Variants in PAG1 observed in about 807,000 individuals in gnomAD.
PAG1 encodes phosphoprotein associated with glycosphingolipid-enriched microdomains 1.
Under a neutral mutation model 31.7 loss-of-function variants are expected in PAG1, and 23 were observed. The ratio of observed to expected loss-of-function variants is 0.73; its 90% confidence interval spans 0.52 to 1.03. The LOEUF is 1.03. Ranked by LOEUF, PAG1 falls within the 50% of genes least tolerant of loss-of-function variation. The pLI is 0.00. For missense variants in PAG1, 473 were observed against 540.7 expected, an observed-to-expected ratio of 0.87 and a Z score of 1.24; for synonymous variants, 214 against 210.3, an observed-to-expected ratio of 1.02 and a Z score of -0.15.
intron 5 of PAG1, 139 bp from the exon 6 acceptor site, chr8:80,987,605 C>T: frequency 1.6e-6 from 1 of 612,514 alleles, no homozygotes; most frequent in South Asian, 1.8e-5. Context: ...TAATAGTCCC[C>T]CCTTATCTAC....
At chr8:81,043,152 T>G (rs1429106114) in intron 2 of PAG1, among the ~76,000 whole-genome samples, 1 of 152,102 alleles carries the variant, frequency 6.6e-6, no homozygotes, top group African/African-American at 2.4e-5. Flanking sequence ...TACTTTCCCC[T>G]CTTTACCACC....
At chr8:80,980,324 TAGG>T in intron 8 of PAG1, 108 bp downstream of exon 8, 1 of 668,036 alleles carries the variant, frequency 1.5e-6, no homozygotes, top group South Asian at 1.8e-5. Flanking sequence ...AACATAGGCA[TAGG>T]AGAATATTTC....
chr8:81,008,337 G>A (rs1807922139), intron 3 of PAG1, among the ~76,000 whole-genome samples: 2 of 152,074 alleles, frequency 1.3e-5, no homozygotes, highest in Admixed American at 6.6e-5. Flanking sequence ...TGGCTCACTA[G>A]TAGTCACTGG....
intron 2 of PAG1, among the ~76,000 whole-genome samples, chr8:81,033,656 ACTT>A (rs1808416447): frequency 6.6e-6 from 1 of 152,210 alleles, no homozygotes; most frequent in Non-Finnish European, 1.5e-5. Context: ...ACGGTTGGTG[ACTT>A]CTTAATACTA....
At chr8:81,013,785 G>A (rs1808025147) in intron 3 of PAG1, among the ~76,000 whole-genome samples, 1 of 152,036 alleles carries the variant, frequency 6.6e-6, no homozygotes, top group African/African-American at 2.4e-5. Flanking sequence ...TCACCATGTT[G>A]GCCAGGCTGG....
At chr8:81,040,864 G>A (rs1404920196) in intron 2 of PAG1, 2 of 152,044 alleles carry the variant, frequency 1.3e-5, no homozygotes, top group Non-Finnish European at 1.5e-5. Flanking sequence ...GATCAAATAA[G>A]GGTAGAAGAG....
At position 80,991,470 on chromosome 8, in the gene PAG1, C is replaced by T; in HGVS notation, c.177+9G>A. ...CGGACAGACAGGCAGACGACACGCGCAGGCTCACCACGTTCATCAGGTTCT... is the reference window on the plus strand; with the variant it reads ...CGGACAGACAGGCAGACGACACGCGTAGGCTCACCACGTTCATCAGGTTCT... On this transcript the variant is annotated intron_variant, in intron 5 of 8. Coordinates refer to ENST00000220597, the MANE Select transcript of PAG1 (RefSeq NM_018440.4). 1.9e-6 allele frequency: 3 copies of T among 1,609,866 alleles called. No homozygotes were observed. Among genetic ancestry groups the T allele is most frequent in the Non-Finnish European group, 2.6e-6 (3 of 1,176,122 alleles).
intron 2 of PAG1, among the ~76,000 whole-genome samples, chr8:81,033,565 C>T: frequency 6.6e-6 from 1 of 152,200 alleles, no homozygotes. Context: ...TGACCTCTCC[C>T]TGAAACCCAC....
At chr8:81,075,092 T>C (rs1313375792) in intron 1 of PAG1, among the ~76,000 whole-genome samples, 1 of 152,216 alleles carries the variant, frequency 6.6e-6, no homozygotes, top group Admixed American at 6.5e-5. Flanking sequence ...CCACTCTCGT[T>C]TGCCAGAGAG....
At chr8:81,067,296 A>C (rs944247481) in intron 2 of PAG1, among the ~76,000 whole-genome samples, 3 of 152,232 alleles carry the variant, frequency 2.0e-5, no homozygotes, top group Non-Finnish European at 4.4e-5. Flanking sequence ...GAGAGTATTA[A>C]ATTTTCCAAC....
chr8:81,096,019 A>AT (rs1456538317), intron 1 of PAG1, among the ~76,000 whole-genome samples: 12 of 152,288 alleles, frequency 7.9e-5, no homozygotes, highest in South Asian at 2.1e-4. Flanking sequence ...TTTTGTCTTA[A>AT]TTTTTTTGTA....
intron 3 of PAG1, among the ~76,000 whole-genome samples, chr8:81,014,860 C>A (rs147063020): frequency 1.6e-3 from 248 of 152,188 alleles, no homozygotes; most frequent in Non-Finnish European, 3.0e-3. Flanking sequence ...TGCAATCGGG[C>A]GGATAGAGGG....
At chr8:80,981,194 C>T (rs551658624) in intron 7 of PAG1, among the ~76,000 whole-genome samples, 1 of 152,178 alleles carries the variant, frequency 6.6e-6, no homozygotes, top group South Asian at 2.1e-4. Flanking sequence ...AGCCTCTCCA[C>T]CAGCCCAAGT....
At chr8:81,028,589 A>G (rs2130778997) in intron 3 of PAG1, among the ~76,000 whole-genome samples, 1 of 152,364 alleles carries the variant, frequency 6.6e-6, no homozygotes, top group Non-Finnish European at 1.5e-5. Context: ...GGCATAATGC[A>G]ATGTGAAGAA....
intron 3 of PAG1, among the ~76,000 whole-genome samples, chr8:81,007,795 C>T (rs1017735860): frequency 3.9e-5 from 6 of 152,114 alleles, no homozygotes; most frequent in East Asian, 3.8e-4. Context: ...CTGTGAGTGG[C>T]ACCTCCTAGA....
chr8:81,000,606 AT>A (rs879371371), intron 3 of PAG1, among the ~76,000 whole-genome samples: 160 of 152,036 alleles, frequency 1.1e-3, no homozygotes, highest in Non-Finnish European at 1.9e-3. Flanking sequence ...ACGCCTGGTA[AT>A]TTTTTTGTAA....
At chr8:81,020,580 T>C (rs1024765431) in intron 3 of PAG1, among the ~76,000 whole-genome samples, 3 of 152,170 alleles carry the variant, frequency 2.0e-5, no homozygotes, top group African/African-American at 4.8e-5. Flanking sequence ...CCTTCTACCA[T>C]GATTATGAGG....
rs1807192507 is a variant in PAG1, at chr8:80,976,775, A to G, written c.1068T>C (p.Asn356=). The part of the protein sequence containing the change: ...GDPQRSPSSC[N]DLYATVKDFE... ...AGTCTTTAACAGTAGCATAGAGATC[A>G]TTACAGGAGGAGGGTGACCTCTGTG... is the stretch of plus-strand genomic sequence containing the variant. Residue 356 remains asparagine (N), a synonymous_variant, in exon 9 of 9, where the codon AAT becomes AAC. Transcript: ENST00000220597. 1 of 1,614,036 alleles carries G rather than the reference A, an allele frequency of 6.2e-7. No individual in the cohort carries two copies. The highest frequency in any genetic ancestry group is 1.3e-5 in the African/African-American group (1 of 74,916).
At chr8:81,070,700 T>C (rs1036654843) in intron 1 of PAG1, among the ~76,000 whole-genome samples, 7 of 151,914 alleles carry the variant, frequency 4.6e-5, no homozygotes, top group Non-Finnish European at 1.0e-4. Flanking sequence ...GACGTGATAA[T>C]TGTTATATTT....
Sources: gnomAD v4.1 joint callset for allele counts (sites outside exome capture counted in the v4.1 genomes callset) on GRCh38, gnomAD v4.1.1 for gene constraint, MANE v1.5 for transcripts, NCBI Gene and HGNC (gene_info 2026-07-23, HGNC 2026-07-21) for gene names.